The following VPS13C variants were observed in gnomAD, a reference collection of about 807,000 sequenced individuals.
VPS13C encodes vacuolar protein sorting 13 homolog C, also known as intermembrane lipid transfer protein VPS13C.
Under a neutral mutation model 456.8 loss-of-function variants are expected in VPS13C, and 358 were observed. The ratio of observed to expected loss-of-function variants is 0.78; its 90% confidence interval spans 0.72 to 0.86. VPS13C has a LOEUF of 0.86. Among genes scored for constraint, VPS13C ranks in the 40% least tolerant of loss-of-function variants. The pLI is 0.00. For missense variants in VPS13C, 4,818 were observed against 4,385.4 expected (o/e 1.10, Z -2.79); for synonymous variants, 1,578 against 1,486.7 (o/e 1.06, Z -1.41).
At position 62,003,893 on chromosome 15, in the gene VPS13C, T is replaced by A. The variant is rs1228181758; in HGVS notation, c.1291-3267A>T. Reference sequence around the variant, plus strand: ...GCCCACTTGATCATGGTGGATAAGCTTTTTGATGTGCTGCTGGATTCGGTT... The same window carrying A: ...GCCCACTTGATCATGGTGGATAAGCATTTTGATGTGCTGCTGGATTCGGTT... On this transcript the variant is annotated intron_variant, in intron 15 of 84. Transcript: ENST00000644861. Among the ~76,000 whole-genome samples, 1,195 of 151,828 alleles carry A rather than the reference T, an allele frequency of 7.9e-3. 18 individuals carry two copies. The highest frequency in any genetic ancestry group is 0.025 in the African/African-American group (1,040 of 41,510).
At chr15:61,979,065 C>A (rs1485128137) in intron 22 of VPS13C, among the ~76,000 whole-genome samples, 1 of 152,042 alleles carries the variant, frequency 6.6e-6, no homozygotes, top group Non-Finnish European at 1.5e-5. Flanking sequence ...CACTTAGAGT[C>A]CAGCTCCCCT....
chr15:61,940,705 G>C lies in VPS13C; in HGVS notation c.5543C>G (p.Ala1848Gly), dbSNP rs764992527. The change falls in exon 47 of 85, where the codon GCA (alanine) becomes GGA (glycine). Residue 1848 changes from alanine to glycine, a missense_variant. Ala to Gly is a moderately conservative substitution (Grantham distance 60). Transcript: ENST00000644861. ...CCCTGGAATTTGCACATACCATGCTGCTGCTAAGTTTCGCTGTATGGACAA... is the reference window on the plus strand; with the variant it reads ...CCCTGGAATTTGCACATACCATGCTCCTGCTAAGTTTCGCTGTATGGACAA... ...MLLSIQRNLA[A>G]AWYVQIPGME... The C allele has an allele frequency of 6.2e-7, 1 of 1,613,692 alleles. No individual in the cohort carries two copies. The highest frequency in any genetic ancestry group is 8.5e-7 in the Non-Finnish European group (1 of 1,179,822).
intron 14 of VPS13C, 28 bp from the exon 15 acceptor site, chr15:62,007,507 T>C: frequency 6.5e-7 from 1 of 1,533,306 alleles, no homozygotes; most frequent in Non-Finnish European, 8.8e-7. Context: ...TTAACGTAAA[T>C]GTTAATATAA....
chr15:62,050,435 G>A (rs2048578741), intron 1 of VPS13C, among the ~76,000 whole-genome samples: 1 of 152,158 alleles, frequency 6.6e-6, no homozygotes. Context: ...ATATATTTTG[G>A]ATGTGCATAC....
Position 61,949,565 on chromosome 15 carries a change from G to A in VPS13C, c.4637C>T (p.Ala1546Val), listed in dbSNP as rs1372442393. 6.2e-7 allele frequency: 1 copy of A among 1,611,506 alleles called. No individual in the cohort carries two copies. Among genetic ancestry groups the A allele is most frequent in the Admixed American group, 1.7e-5 (1 of 59,324 alleles). The change falls in exon 42 of 85, where the codon GCT (alanine) becomes GTT (valine). Residue 1546 changes from alanine to valine, a missense_variant. By Grantham distance (64) the Ala-to-Val change is moderately conservative (BLOSUM62 0). This residue lies in a region of VPS13C where 4,552 missense variants were observed against 4,130.6 expected (regional missense o/e 1.10). Coordinates refer to ENST00000644861, the MANE Select transcript of VPS13C (RefSeq NM_020821.3). ...ASLDLVLHLEALLSFMDFLSS... is the reference protein window; with the variant it reads ...ASLDLVLHLEVLLSFMDFLSS... ...TAAAAAATCCATGAAGGAAAGTAAA[G>A]CTTCCAAATGAAGTACTAAGTCTAA...
At chr15:61,947,802 C>G (rs1041579229) in intron 42 of VPS13C, among the ~76,000 whole-genome samples, 1 of 152,054 alleles carries the variant, frequency 6.6e-6, no homozygotes, top group Non-Finnish European at 1.5e-5. Flanking sequence ...CAGATTACAC[C>G]CTGTTGCTCC....
At chr15:61,999,507 A>T (rs2046522852) in intron 16 of VPS13C, among the ~76,000 whole-genome samples, 2 of 152,198 alleles carry the variant, frequency 1.3e-5, no homozygotes, top group South Asian at 4.1e-4. Context: ...TCTCATTTAA[A>T]AGTATGAGTA....
In VPS13C at chr15:61,940,786, A is replaced by T. The variant is rs372559831; in HGVS notation, c.5462T>A (p.Leu1821Ter). The change falls in exon 47 of 85, where the codon TTG (leucine) becomes TAG (stop). Residue 1821 changes from leucine to a stop codon, truncating the protein, a stop_gained. Transcript: ENST00000644861. LOFTEE classifies it high-confidence loss of function. Reference sequence around the variant, plus strand: ...GTCATTTTGTGGCAAGCTAGCCTGCAAAATAGTTCTGAAAGAAAAACAAGA... The same window carrying T: ...GTCATTTTGTGGCAAGCTAGCCTGCTAAATAGTTCTGAAAGAAAAACAAGA... ...LTQLKLSRTI[L>*]QASLPQNDIE... is the part of the protein sequence containing the mutation. 3 of 1,609,492 alleles carry T rather than the reference A, an allele frequency of 1.9e-6. No homozygotes were observed. Among genetic ancestry groups the T allele is most frequent in the Non-Finnish European group, 2.5e-6 (3 of 1,178,008 alleles).
Position 61,982,501 on chromosome 15 carries a change from T to G in VPS13C, c.1987A>C (p.Thr663Pro). ...TTAATTTCTTCCAGCTTCATCAATG[T>G]TGCTGATGTTATTTGCTCAAGATCC... ...GLDLEQITSA[T>P]LMKLEEIKER... The change falls in exon 21 of 85, where the codon ACA becomes CCA. Residue 663 changes from threonine (T) to proline (P), a missense_variant. By Grantham distance (38) the Thr-to-Pro change is conservative. This residue lies in a region of VPS13C where 4,552 missense variants were observed against 4,130.6 expected (regional missense o/e 1.10). Coordinates refer to ENST00000644861, the MANE Select transcript of VPS13C (RefSeq NM_020821.3). 1.9e-6 allele frequency: 3 copies of G among 1,609,848 alleles called. No individual in the cohort carries two copies. The highest frequency in any genetic ancestry group is 2.5e-6 in the Non-Finnish European group (3 of 1,178,622).
chr15:62,037,316 A>AT (rs1399562094), intron 3 of VPS13C, among the ~76,000 whole-genome samples: 1 of 72,930 alleles, frequency 1.4e-5, no homozygotes, highest in Non-Finnish European at 2.4e-5. Context: ...ATATAAATAT[A>AT]TTATATATTA....
In VPS13C at chr15:62,009,177, T is replaced by C. The variant is rs553290799; in HGVS notation, c.1012-416A>G. On this transcript the variant is annotated intron_variant, in intron 13 of 84. Coordinates refer to ENST00000644861, the MANE Select transcript of VPS13C (RefSeq NM_020821.3). The stretch of plus-strand genomic sequence containing the variant: ...TATATATTTTTCCTCTGGATCATCA[T>C]TTCAGCAGTAGCTGTCTATGAGCTG... Among the ~76,000 whole-genome samples, 45 of 152,324 alleles carry C rather than the reference T, an allele frequency of 3.0e-4. No homozygotes were observed. In the South Asian group the frequency reaches 9.1e-3, roughly 31 times the overall value.
chr15:61,966,537 G>A (rs192072330), intron 29 of VPS13C, among the ~76,000 whole-genome samples: 12 of 151,876 alleles, frequency 7.9e-5, no homozygotes, highest in Admixed American at 2.0e-4. Context: ...CTAATCTTTA[G>A]AAAGCTTTTA....
chr15:61,964,536 G>A (rs951714063), intron 31 of VPS13C, among the ~76,000 whole-genome samples, 163 bp downstream of exon 31: 2 of 151,964 alleles, frequency 1.3e-5, no homozygotes, highest in African/African-American at 4.8e-5. Flanking sequence ...CAACAGTATT[G>A]ATTACATTTG....
At chr15:62,013,730 T>C (rs1027587600) in intron 10 of VPS13C, among the ~76,000 whole-genome samples, 2 of 152,000 alleles carry the variant, frequency 1.3e-5, no homozygotes, top group African/African-American at 4.8e-5. Flanking sequence ...GTATCCTGTA[T>C]CTTCACTTGA....
In VPS13C at chr15:62,033,464, G is replaced by A. The variant is rs1364066923; in HGVS notation, c.362C>T (p.Ala121Val). 1.2e-6 allele frequency: 2 copies of A among 1,604,092 alleles called. No homozygotes were observed. The highest frequency in any genetic ancestry group is 1.3e-5 in the African/African-American group (1 of 74,416). ...KQKELSRIEE[A>V]LQKAAEKGTH... ...ACCTTTTTCTGCTGCTTTTTGAAGG[G>A]CTTCTTCAATTCGGGATAGCTCTTT... is the stretch of plus-strand genomic sequence containing the variant. Residue 121 changes from alanine (A) to valine (V), a missense_variant, in exon 5 of 85, where the codon GCC (alanine) becomes GTC (valine). Coordinates refer to ENST00000644861, the MANE Select transcript of VPS13C (RefSeq NM_020821.3).
At chr15:61,978,505 CCAAAA>C in intron 23 of VPS13C, 116 bp downstream of exon 23, 1 of 1,213,560 alleles carries the variant, frequency 8.2e-7, no homozygotes, top group Admixed American at 2.7e-5. Flanking sequence ...ATTTAAGCAG[CCAAAA>C]GAATATGTGT....
intron 49 of VPS13C, among the ~76,000 whole-genome samples, chr15:61,931,502 AT>A (rs2044054982): frequency 6.6e-6 from 1 of 151,938 alleles, no homozygotes; most frequent in African/African-American, 2.4e-5. Context: ...AATTTATCTG[AT>A]TTACAGTTTA....
At chr15:61,983,378 C>T (rs1198737302) in intron 20 of VPS13C, among the ~76,000 whole-genome samples, 1 of 152,074 alleles carries the variant, frequency 6.6e-6, no homozygotes, top group Non-Finnish European at 1.5e-5. Context: ...GCCAGAACTT[C>T]CAATAACATC....
Position 61,873,327 on chromosome 15 carries a change from C to T in VPS13C, c.10497G>A (p.Gln3499=). 3.1e-6 allele frequency: 5 copies of T among 1,613,620 alleles called. No homozygotes were observed. The highest frequency in any genetic ancestry group is 1.1e-5 in the South Asian group (1 of 91,062). ...GACTCAACTCTTCTCTTCTTTTTTG[C>T]TGATATTCCTTGTCCATTGTAATTG... ...LAAITMDKEY[Q]QKRREELSRQ... Residue 3499 remains glutamine, a synonymous_variant, in exon 78 of 85, where the codon CAG becomes CAA. Coordinates refer to ENST00000644861, the MANE Select transcript of VPS13C (RefSeq NM_020821.3).
Sources: gnomAD v4.1 joint callset for allele counts (sites outside exome capture counted in the v4.1 genomes callset) on GRCh38, gnomAD v4.1.1 for gene constraint, gnomAD v4.1.1 regional missense constraint, MANE v1.5 for transcripts, NCBI Gene and HGNC (gene_info 2026-07-23, HGNC 2026-07-21) for gene names.